TCF12: variants seen among roughly 807,000 people sequenced by gnomAD.
TCF12 encodes transcription factor 12.
A neutral mutation model predicts 86.0 loss-of-function variants in TCF12; 45 were observed. That is an observed-to-expected ratio of 0.52 (90% CI 0.41 to 0.67). The LOEUF is 0.67. Among genes scored for constraint, TCF12 ranks in the 30% least tolerant of loss-of-function variants. The probability of loss-of-function intolerance (pLI) is 0.00; values close to 1 mark genes in which losing one functional copy is unlikely to be tolerated. For missense variants in TCF12, 881 were observed against 859.9 expected (o/e 1.02, Z -0.31); for synonymous variants, 330 against 299.6 (o/e 1.10, Z -1.05).
intron 3 of TCF12, among the ~76,000 whole-genome samples, chr15:56,960,861 C>T (rs750263396): frequency 2.0e-5 from 3 of 151,964 alleles, no homozygotes; most frequent in South Asian, 2.1e-4. Context: ...TTTATTAGGC[C>T]GGGCACAGTG....
At chr15:56,930,193 G>T (rs541147268) in intron 3 of TCF12, among the ~76,000 whole-genome samples, 21 of 152,320 alleles carry the variant, frequency 1.4e-4, no homozygotes, top group African/African-American at 5.1e-4. Context: ...TCTGCTGGGA[G>T]GGAATTACAG....
intron 3 of TCF12, among the ~76,000 whole-genome samples, chr15:56,932,688 C>T (rs2060300769): frequency 6.6e-6 from 1 of 151,946 alleles, no homozygotes; most frequent in East Asian, 1.9e-4. Context: ...TGTGCCTCAG[C>T]CTTCCAAGTA....
intron 3 of TCF12, among the ~76,000 whole-genome samples, chr15:56,947,188 C>T (rs1426324217): frequency 1.3e-5 from 2 of 152,194 alleles, no homozygotes; most frequent in Non-Finnish European, 2.9e-5. Flanking sequence ...AACGTTTAGG[C>T]TGTATTCAGA....
chr15:57,179,965 C>G (rs17819964), intron 6 of TCF12, among the ~76,000 whole-genome samples: 11,760 of 152,194 alleles, frequency 0.077, 641 homozygotes, highest in Non-Finnish European at 0.11. Flanking sequence ...ATTCAAGATC[C>G]CTTTGTTCTC....
At chr15:57,165,164 G>GTGTGTGTA (rs57965949) in intron 5 of TCF12, among the ~76,000 whole-genome samples, 11 of 127,274 alleles carry the variant, frequency 8.6e-5, no homozygotes, top group African/African-American at 1.6e-4. Flanking sequence ...GTGTGTGTGT[G>GTGTGTGTA]CGTACACGAG....
At chr15:57,177,608 C>CAGAGAGAGAGAGAGAGAGAGAGAG (rs11270421) in intron 6 of TCF12, among the ~76,000 whole-genome samples, 1,531 of 122,896 alleles carry the variant, frequency 0.012, 109 homozygotes, top group South Asian at 0.025. Flanking sequence ...GTTAAAAGGC[C>CAGAGAGAGAGAGAGAGAGAGAGAG]AGAGAGAGAG....
chr15:57,036,317 A>G (rs1596241211), intron 3 of TCF12, among the ~76,000 whole-genome samples: 1 of 152,038 alleles, frequency 6.6e-6, no homozygotes, highest in Non-Finnish European at 1.5e-5. Flanking sequence ...GAGAAGAGAT[A>G]TTTTAAAGGG....
intron 3 of TCF12, among the ~76,000 whole-genome samples, chr15:57,010,823 G>T (rs2058235513): frequency 6.6e-6 from 1 of 152,176 alleles, no homozygotes; most frequent in Non-Finnish European, 1.5e-5. Context: ...TTTCAGGAGG[G>T]TAAGTCCTCA....
At chr15:57,031,703 A>G (rs2066200331) in intron 3 of TCF12, among the ~76,000 whole-genome samples, 1 of 152,260 alleles carries the variant, frequency 6.6e-6, no homozygotes, top group Admixed American at 6.5e-5. Flanking sequence ...CAGTACAGCC[A>G]GAAACCTAGA....
chr15:57,091,598 G>A (rs1323759453), intron 4 of TCF12, among the ~76,000 whole-genome samples, 191 bp from the exon 5 acceptor site: 1 of 152,118 alleles, frequency 6.6e-6, no homozygotes, highest in Non-Finnish European at 1.5e-5. Flanking sequence ...TAAAGAAAAT[G>A]TTTTTTGACT....
chr15:57,089,781 TTAAG>T (rs369303321), intron 4 of TCF12, among the ~76,000 whole-genome samples: 31 of 152,230 alleles, frequency 2.0e-4, no homozygotes, highest in Admixed American at 1.8e-3. Context: ...CAAACAATAT[TTAAG>T]TGAGTATTTT....
chr15:57,062,468 A>G (rs1488025371), intron 3 of TCF12, among the ~76,000 whole-genome samples: 1 of 152,148 alleles, frequency 6.6e-6, no homozygotes, highest in African/African-American at 2.4e-5. Context: ...TTATTAAAAT[A>G]TACTTTAGTC....
intron 5 of TCF12, chr15:57,130,001 A>G (rs1408346705): frequency 6.6e-6 from 1 of 152,190 alleles, no homozygotes; most frequent in Admixed American, 6.5e-5. Context: ...TGTATATGAT[A>G]CTGTCTTTTA....
intron 6 of TCF12, among the ~76,000 whole-genome samples, chr15:57,184,865 A>C (rs1490078061): frequency 6.6e-6 from 1 of 152,204 alleles, no homozygotes; most frequent in Admixed American, 6.5e-5. Flanking sequence ...CAGAAAATTC[A>C]TAGCTGATGG....
intron 5 of TCF12, among the ~76,000 whole-genome samples, chr15:57,157,206 T>C (rs1176870680): frequency 2.6e-5 from 4 of 152,182 alleles, no homozygotes; most frequent in Non-Finnish European, 5.9e-5. Context: ...AATCGTTTTT[T>C]AAGAATGAGA....
At chr15:57,120,772 T>G (rs537090953) in intron 5 of TCF12, among the ~76,000 whole-genome samples, 1 of 152,292 alleles carries the variant, frequency 6.6e-6, no homozygotes, top group African/African-American at 2.4e-5. Context: ...AATCTCAGTG[T>G]GTAGGAAAGT....
chr15:57,264,604 C>A (rs567568083), intron 18 of TCF12, among the ~76,000 whole-genome samples: 1 of 152,202 alleles, frequency 6.6e-6, no homozygotes, highest in East Asian at 1.9e-4. Context: ...ACATGTTAGC[C>A]TAGGCCTACA....
intron 8 of TCF12, among the ~76,000 whole-genome samples, chr15:57,217,938 A>G (rs1178573721): frequency 2.6e-5 from 4 of 152,172 alleles, no homozygotes; most frequent in Non-Finnish European, 5.9e-5. Context: ...CTGGCATTTT[A>G]ATAGTCTGCT....
chr15:57,266,654 T>A (rs899956882), intron 18 of TCF12, among the ~76,000 whole-genome samples: 3 of 152,202 alleles, frequency 2.0e-5, no homozygotes, highest in Non-Finnish European at 4.4e-5. Context: ...TGACTTTGCT[T>A]TGAAGTATGA....
Sources: allele counts gnomAD v4.1 joint callset (sites outside exome capture counted in the v4.1 genomes callset), GRCh38; gene constraint gnomAD v4.1.1; transcripts MANE v1.5; gene names NCBI Gene and HGNC (gene_info 2026-07-23, HGNC 2026-07-21).